ZZZ3: variants seen among roughly 807,000 people sequenced by gnomAD.
ZZZ3 encodes ZZ-type zinc finger-containing protein 3.
In ZZZ3, 22 loss-of-function variants were observed where a neutral mutation model predicts 95.2. That is an observed-to-expected ratio of 0.23 (90% CI 0.17 to 0.33). ZZZ3 has a LOEUF of 0.33. Among genes scored for constraint, ZZZ3 ranks in the 10% least tolerant of loss-of-function variants. The pLI, the probability that ZZZ3 is intolerant of heterozygous loss-of-function variation, is 1.00. For missense variants in ZZZ3, 885 were observed against 1,066.5 expected, an observed-to-expected ratio of 0.83 and a Z score of 2.37; for synonymous variants, 335 against 358.9, an observed-to-expected ratio of 0.93 and a Z score of 0.75.
chr1:77,580,216 T>C (rs572262420), intron 9 of ZZZ3: 4 of 152,464 alleles, frequency 2.6e-5, no homozygotes, highest in Admixed American at 6.5e-5. Context: ...GTTAAATGTA[T>C]AGCTGTGGGG....
chr1:77,661,419 A>G (rs1298511238), intron 1 of ZZZ3, among the ~76,000 whole-genome samples: 3 of 151,794 alleles, frequency 2.0e-5, no homozygotes, highest in Non-Finnish European at 4.4e-5. Context: ...AACCAAAACC[A>G]AAACAAAAAC....
At position 77,563,267 on chromosome 1, in the gene ZZZ3, C is replaced by T. The variant is rs574143476; in HGVS notation, c.*2373G>A. 6.6e-6 allele frequency: 1 copy of T among 152,174 alleles called. No homozygotes were observed. Among genetic ancestry groups the T allele is most frequent in the African/African-American group, 2.4e-5 (1 of 41,452 alleles). 9.4% of individuals were successfully genotyped at this position (152,174 alleles called of 1,614,324 possible). ...GTAGGTCTTTTACAGTCTGTTTTAG[C>T]TTACAGTCCAATAATTCTATGTAGG... On this transcript the variant is annotated 3_prime_UTR_variant, in exon 15 of 15. Coordinates refer to ENST00000370801, the MANE Select transcript of ZZZ3 (RefSeq NM_015534.6).
At position 77,566,168 on chromosome 1, in the gene ZZZ3, CCA is replaced by C; in HGVS notation, c.2478_2479del (p.Cys826TrpfsTer25). ...CCGAACACCCTGGATGGGTTCTATG[CCA>C]CAGTTATCACACTATAACAGATTCA... On this transcript the variant is annotated frameshift_variant, in exon 14 of 15. Coordinates refer to ENST00000370801, the MANE Select transcript of ZZZ3 (RefSeq NM_015534.6). LOFTEE classifies it high-confidence loss of function. 1.2e-6 allele frequency: 2 copies of C among 1,610,364 alleles called. No homozygotes were observed. Among genetic ancestry groups the C allele is most frequent in the Non-Finnish European group, 1.7e-6 (2 of 1,177,474 alleles).
At chr1:77,626,467 A>T (rs940620282) in intron 5 of ZZZ3, among the ~76,000 whole-genome samples, 1 of 152,198 alleles carries the variant, frequency 6.6e-6, no homozygotes, top group Non-Finnish European at 1.5e-5. Context: ...GTGACAGATC[A>T]TCAGGCATTA....
In ZZZ3 at chr1:77,632,744, C is replaced by A; in HGVS notation, c.611G>T (p.Gly204Val). ...AACAGCTGAATCACTGTCATCAACA[C>A]CATTGACAGCCAAATAGCCTGTGAT... Reference protein sequence around the residue: ...EEITGYLAVNGVDDSDSAVIN... With the variant: ...EEITGYLAVNVVDDSDSAVIN... Residue 204 changes from glycine (G) to valine (V), a missense_variant, in exon 5 of 15, where the codon GGT becomes GTT. Physicochemically the swap from Gly to Val is moderately radical, Grantham distance 109. Around this residue, in one of 5 missense-constraint regions of ZZZ3, gnomAD observed 556 missense variants for 652.9 expected, o/e 0.85. Transcript: ENST00000370801. 6.2e-7 allele frequency: 1 copy of A among 1,614,186 alleles called. No homozygotes were observed. Among genetic ancestry groups the A allele is most frequent in the Non-Finnish European group, 8.5e-7 (1 of 1,180,030 alleles).
At chr1:77,657,704 G>C (rs1311371987) in intron 1 of ZZZ3, among the ~76,000 whole-genome samples, 1 of 152,128 alleles carries the variant, frequency 6.6e-6, no homozygotes, top group Non-Finnish European at 1.5e-5. Context: ...GTATACGTGG[G>C]GGGGATTGGT....
intron 5 of ZZZ3, among the ~76,000 whole-genome samples, chr1:77,628,109 G>C (rs1667481896): frequency 6.6e-6 from 1 of 152,154 alleles, no homozygotes; most frequent in Non-Finnish European, 1.5e-5. Flanking sequence ...CTGTTTCAGT[G>C]CTCCTGATTC....
chr1:77,662,204 G>T (rs1670858341), intron 1 of ZZZ3, among the ~76,000 whole-genome samples: 1 of 151,914 alleles, frequency 6.6e-6, no homozygotes, highest in African/African-American at 2.4e-5. Flanking sequence ...AGTAGAGACG[G>T]GGTCTCACCA....
intron 14 of ZZZ3, 57 bp downstream of exon 14, chr1:77,566,024 G>A: frequency 1.5e-6 from 2 of 1,368,946 alleles, no homozygotes; most frequent in Middle Eastern, 1.8e-4. Context: ...ATTCACTAAT[G>A]GCTGAGAAGC....
intron 4 of ZZZ3, among the ~76,000 whole-genome samples, chr1:77,633,807 A>G (rs1463645082): frequency 6.6e-6 from 1 of 152,232 alleles, no homozygotes; most frequent in Non-Finnish European, 1.5e-5. Flanking sequence ...CTCACTGTGT[A>G]TCTGCCTCTC....
chr1:77,632,671 G>A lies in ZZZ3; in HGVS notation c.684C>T (p.Ser228=), dbSNP rs1212444122. 6.2e-7 allele frequency: 1 copy of A among 1,614,134 alleles called. No homozygotes were observed. Among genetic ancestry groups the A allele is most frequent in the Non-Finnish European group, 8.5e-7 (1 of 1,180,014 alleles). The change falls in exon 5 of 15, where the codon AGC becomes AGT. Residue 228 remains serine, a synonymous_variant. Transcript: ENST00000370801. ...CQPDGNTKQN[S]IGSYVLQEKS... The stretch of plus-strand genomic sequence containing the variant: ...TTTCCTGTAACACATAGGAACCAAT[G>A]CTATTTTGTTTAGTGTTCCCATCAG...
intron 12 of ZZZ3, 135 bp downstream of exon 12, chr1:77,575,933 G>C: frequency 4.6e-6 from 3 of 650,348 alleles, no homozygotes; most frequent in Non-Finnish European, 7.1e-6. Context: ...CCTCACAAAA[G>C]TACATTACTT....
At chr1:77,657,831 C>T (rs1321038566) in intron 1 of ZZZ3, among the ~76,000 whole-genome samples, 1 of 152,168 alleles carries the variant, frequency 6.6e-6, no homozygotes, top group Admixed American at 6.5e-5. Context: ...AATTTAGACA[C>T]ATCCACAATA....
At chr1:77,667,719 G>C (rs1671365139) in intron 1 of ZZZ3, among the ~76,000 whole-genome samples, 2 of 148,772 alleles carry the variant, frequency 1.3e-5, no homozygotes, top group Admixed American at 1.3e-4. Context: ...TAAGTCAAAT[G>C]ATTTTTTAAA....
intron 5 of ZZZ3, among the ~76,000 whole-genome samples, chr1:77,590,978 TATC>T (rs1210097337): frequency 9.8e-5 from 15 of 152,316 alleles, no homozygotes; most frequent in African/African-American, 3.1e-4. Flanking sequence ...TGCAGATTCT[TATC>T]ATATTACTGT....
At chr1:77,628,868 G>A (rs1471925093) in intron 5 of ZZZ3, among the ~76,000 whole-genome samples, 2 of 152,120 alleles carry the variant, frequency 1.3e-5, no homozygotes, top group Admixed American at 6.5e-5. Context: ...GCTCAACCTC[G>A]GTTTCAAAAA....
At chr1:77,580,371 T>C (rs1394165173) in intron 9 of ZZZ3, 1 of 152,210 alleles carries the variant, frequency 6.6e-6, no homozygotes, top group Non-Finnish European at 1.5e-5. Context: ...GAATGCACTT[T>C]GAAGCTCAGC....
chr1:77,632,258 A>T lies in ZZZ3; in HGVS notation c.1097T>A (p.Met366Lys). 1 of 1,614,108 alleles carries T rather than the reference A, an allele frequency of 6.2e-7. No individual in the cohort carries two copies. Among genetic ancestry groups the T allele is most frequent in the Non-Finnish European group, 8.5e-7 (1 of 1,180,016 alleles). The change falls in exon 5 of 15, where the codon ATG becomes AAG. Residue 366 changes from methionine to lysine, a missense_variant. Coordinates refer to ENST00000370801, the MANE Select transcript of ZZZ3 (RefSeq NM_015534.6). Reference protein sequence around the residue: ...PVLDCVSAQMMSLSEPQEHRY... With the variant: ...PVLDCVSAQMKSLSEPQEHRY... ...ATGTTCTTGAGGTTCTGATAAAGACATCATTTGAGCTGAAACACAGTCTAG... is the reference window on the plus strand; with the variant it reads ...ATGTTCTTGAGGTTCTGATAAAGACTTCATTTGAGCTGAAACACAGTCTAG...
chr1:77,627,210 T>A (rs1187903356), intron 5 of ZZZ3, among the ~76,000 whole-genome samples: 4 of 152,218 alleles, frequency 2.6e-5, no homozygotes, highest in Non-Finnish European at 5.9e-5. Flanking sequence ...TACTTAAAAT[T>A]AATAATCTAA....
Sources: allele counts gnomAD v4.1 joint callset (sites outside exome capture counted in the v4.1 genomes callset), GRCh38; gene constraint gnomAD v4.1.1; regional missense constraint gnomAD v4.1.1; transcripts MANE v1.5; gene names NCBI Gene and HGNC (gene_info 2026-07-23, HGNC 2026-07-21).